The following DCC variants were observed in gnomAD, a reference collection of about 807,000 sequenced individuals.
DCC encodes netrin receptor DCC.
In DCC, 58 loss-of-function variants were observed where a neutral mutation model predicts 172.5. The observed-to-expected ratio is 0.34, with a 90% confidence interval of 0.27 to 0.42. The LOEUF (loss-of-function observed/expected upper bound fraction) is 0.42, where lower values mean the gene tolerates loss of function less well. DCC is among the 10% of genes least tolerant of loss of function. DCC has a pLI of 1.00. For missense variants in DCC, 1,740 were observed against 1,791.0 expected, an observed-to-expected ratio of 0.97 and a Z score of 0.51; for synonymous variants, 709 against 644.5, an observed-to-expected ratio of 1.10 and a Z score of -1.52.
Position 53,222,106 on chromosome 18 carries a change from C to CT in DCC, c.1911+6515dup, listed in dbSNP as rs554773366. Among the ~76,000 whole-genome samples the CT allele has an allele frequency of 5.1e-4, 78 of 152,166 alleles. No individual in the cohort carries two copies. In the South Asian group the frequency reaches 5.2e-3, roughly 10 times the overall value. On this transcript the variant is annotated intron_variant, in intron 12 of 28. Coordinates refer to ENST00000442544, the MANE Select transcript of DCC (RefSeq NM_005215.4). ...GTTCCAAAAACTCAACAGTTTACGT[C>CT]TTTTTTCAGTGAAATTACAGTCAAT... is the stretch of plus-strand genomic sequence containing the variant.
chr18:52,508,652 T>C (rs192708939), intron 1 of DCC, among the ~76,000 whole-genome samples: 1 of 152,336 alleles, frequency 6.6e-6, no homozygotes, highest in Admixed American at 6.5e-5. Flanking sequence ...AATGATATCA[T>C]TGAAAACTTT....
intron 5 of DCC, among the ~76,000 whole-genome samples, chr18:53,012,976 C>A (rs2041752477): frequency 6.6e-6 from 1 of 152,116 alleles, no homozygotes; most frequent in Non-Finnish European, 1.5e-5. Context: ...AAAAATAGTT[C>A]ATTATCACTG....
At chr18:52,728,736 A>G (rs1255109696) in intron 1 of DCC, among the ~76,000 whole-genome samples, 1 of 152,220 alleles carries the variant, frequency 6.6e-6, no homozygotes, top group East Asian at 1.9e-4. Context: ...CATATCAGTT[A>G]TGAAAGAGCC....
At chr18:53,419,662 A>G (rs907415723) in intron 21 of DCC, among the ~76,000 whole-genome samples, 3 of 152,112 alleles carry the variant, frequency 2.0e-5, no homozygotes, top group African/African-American at 7.2e-5. Flanking sequence ...AAAGCTTTAC[A>G]GGAGTGACTC....
intron 8 of DCC, among the ~76,000 whole-genome samples, chr18:53,172,075 C>T (rs2055022181): frequency 6.6e-6 from 1 of 152,062 alleles, no homozygotes; most frequent in South Asian, 2.1e-4. Flanking sequence ...CAAAAACATC[C>T]ATGCACTCAT....
At chr18:53,109,006 T>G (rs968253452) in intron 7 of DCC, among the ~76,000 whole-genome samples, 1 of 150,972 alleles carries the variant, frequency 6.6e-6, no homozygotes, top group Non-Finnish European at 1.5e-5. Flanking sequence ...AGTGGTTATA[T>G]CAATTTATAT....
At chr18:52,703,178 C>T (rs897337785) in intron 1 of DCC, among the ~76,000 whole-genome samples, 12 of 152,132 alleles carry the variant, frequency 7.9e-5, no homozygotes, top group African/African-American at 2.9e-4. Flanking sequence ...TTTTGAATAT[C>T]TCTTTCCTTC....
intron 15 of DCC, among the ~76,000 whole-genome samples, chr18:53,381,516 C>T (rs898799678): frequency 4.6e-5 from 7 of 151,598 alleles, no homozygotes; most frequent in South Asian, 2.1e-4. Context: ...CACTTCAAAT[C>T]TCCTAGCATA....
At chr18:52,694,287 T>G (rs943535016) in intron 1 of DCC, among the ~76,000 whole-genome samples, 1 of 152,074 alleles carries the variant, frequency 6.6e-6, no homozygotes, top group African/African-American at 2.4e-5. Context: ...CAGTGGAGAC[T>G]AAAAAGATAT....
At position 53,113,403 on chromosome 18, in the gene DCC, T is replaced by C. The variant is rs2043363812; in HGVS notation, c.1262-43953T>C. On this transcript the variant is annotated intron_variant, in intron 7 of 28. Coordinates refer to ENST00000442544, the MANE Select transcript of DCC (RefSeq NM_005215.4). Reference sequence around the variant, plus strand: ...TAATTTATAAGACTTATATTTACCCTCATTCGTGTCCCTTCTGGAAATCTC... The same window carrying C: ...TAATTTATAAGACTTATATTTACCCCCATTCGTGTCCCTTCTGGAAATCTC... Among the ~76,000 whole-genome samples the C allele has an allele frequency of 1.3e-5, 2 of 151,396 alleles. 1 individual carries two copies. Among genetic ancestry groups the C allele is most frequent in the Non-Finnish European group, 3.0e-5 (2 of 67,594 alleles).
rs188821739 is a variant in DCC at position 53,072,487 on chromosome 18, G to A, written c.1261+6321G>A. On this transcript the variant is annotated intron_variant, in intron 7 of 28. Transcript: ENST00000442544. Reference sequence around the variant, plus strand: ...TCCGTTTTCTGACAGTGTCTGCAGCGGAAGGTTGTTGGAAGTACCTGACTG... The same window carrying A: ...TCCGTTTTCTGACAGTGTCTGCAGCAGAAGGTTGTTGGAAGTACCTGACTG... Among the ~76,000 whole-genome samples, 610 of 152,250 alleles carry A rather than the reference G, an allele frequency of 4.0e-3. 4 individuals carry two copies. The highest frequency in any genetic ancestry group is 0.014 in the African/African-American group (580 of 41,544).
intron 15 of DCC, among the ~76,000 whole-genome samples, chr18:53,383,715 A>C (rs1050271723): frequency 2.6e-5 from 4 of 151,734 alleles, no homozygotes; most frequent in Non-Finnish European, 5.9e-5. Flanking sequence ...GAAGAGAGAA[A>C]AAGTACAATT....
intron 27 of DCC, among the ~76,000 whole-genome samples, chr18:53,512,912 C>CT (rs2046276162): frequency 6.6e-6 from 1 of 152,060 alleles, no homozygotes; most frequent in Admixed American, 6.6e-5. Context: ...GGAGAACTTC[C>CT]CCAATCTATC....
At chr18:52,932,294 T>A (rs1200483260) in intron 5 of DCC, among the ~76,000 whole-genome samples, 1 of 152,118 alleles carries the variant, frequency 6.6e-6, no homozygotes, top group African/African-American at 2.4e-5. Context: ...CATCCCCAAC[T>A]TTTACCCAGC....
At chr18:52,588,631 G>A (rs1174753620) in intron 1 of DCC, among the ~76,000 whole-genome samples, 1 of 152,156 alleles carries the variant, frequency 6.6e-6, no homozygotes, top group African/African-American at 2.4e-5. Flanking sequence ...TTTTCTGAGG[G>A]TCAAGGAAAT....
At chr18:52,793,192 T>A (rs773581178) in intron 2 of DCC, among the ~76,000 whole-genome samples, 5 of 152,186 alleles carry the variant, frequency 3.3e-5, no homozygotes, top group Non-Finnish European at 7.3e-5. Context: ...CCCACCCTAA[T>A]CTTATGCAAA....
chr18:52,673,647 G>A (rs1599008143), intron 1 of DCC, among the ~76,000 whole-genome samples: 1 of 152,134 alleles, frequency 6.6e-6, no homozygotes, highest in African/African-American at 2.4e-5. Flanking sequence ...CCTCAAAGAG[G>A]GGAGTAAATA....
rs775429800 is a variant in DCC at position 53,025,790 on chromosome 18, T to C, written c.986-37515T>C. Among the ~76,000 whole-genome samples the C allele has an allele frequency of 4.7e-5, 5 of 106,380 alleles. No homozygotes were observed. The South Asian group carries it at 8.9e-4, about 19-fold the overall frequency. 69.8% of individuals were successfully genotyped at this position (106,380 alleles called of 152,430 possible). A position where few individuals can be genotyped will look rare whatever the true frequency, so the allele number is the denominator to read the frequency against. Reference sequence around the variant, plus strand: ...AATGGCAGATTTAATGGGCAAAAACTATGATACACACACACACACACACAC... The same window carrying C: ...AATGGCAGATTTAATGGGCAAAAACCATGATACACACACACACACACACAC... On this transcript the variant is annotated intron_variant, in intron 5 of 28. Transcript: ENST00000442544.
intron 7 of DCC, among the ~76,000 whole-genome samples, chr18:53,081,640 T>C (rs73957024): frequency 0.044 from 6,667 of 152,124 alleles, 462 homozygotes; most frequent in African/African-American, 0.15. Context: ...TGTACACAGC[T>C]AATGTGTAAA....
Sources: allele counts gnomAD v4.1 joint callset (sites outside exome capture counted in the v4.1 genomes callset), GRCh38; gene constraint gnomAD v4.1.1; transcripts MANE v1.5; gene names NCBI Gene and HGNC (gene_info 2026-07-23, HGNC 2026-07-21).